The following SLC35A3 variants were observed in gnomAD, a reference collection of about 807,000 sequenced individuals.
SLC35A3 encodes the protein UDP-N-acetylglucosamine transporter.
SLC35A3 carries 26 observed loss-of-function variants against 39.0 expected under a neutral mutation model. The ratio of observed to expected loss-of-function variants is 0.67; its 90% CI spans 0.49 to 0.92. The LOEUF (loss-of-function observed/expected upper bound fraction) is 0.92. SLC35A3 is among the 40% of genes least tolerant of loss of function. The probability of loss-of-function intolerance (pLI) is 0.00; values close to 1 mark genes in which losing one functional copy is unlikely to be tolerated. For synonymous variants in SLC35A3, 135 were observed against 133.1 expected, an observed-to-expected ratio of 1.01 and a Z score of -0.10; for missense variants, 299 against 371.6, an observed-to-expected ratio of 0.80 and a Z score of 1.61.
At chr1:99,976,582 C>G (rs1414933464) in intron 1 of SLC35A3, among the ~76,000 whole-genome samples, 3 of 152,160 alleles carry the variant, frequency 2.0e-5, no homozygotes, top group Middle Eastern at 3.2e-3. Flanking sequence ...CAGTGGTGAA[C>G]TGGACATAAA....
intron 6 of SLC35A3, 25 bp from the exon 7 acceptor site, chr1:100,017,656 TA>T (rs1557846077): frequency 6.9e-7 from 1 of 1,453,750 alleles, no homozygotes; most frequent in South Asian, 1.4e-5. Flanking sequence ...ATGTGTGTTT[TA>T]AAAAATATTT....
At chr1:99,970,502 C>A in intron 1 of SLC35A3, 2 of 1,496,686 alleles carry the variant, frequency 1.3e-6, no homozygotes, top group Non-Finnish European at 1.8e-6. Context: ...CGGGTGGGCC[C>A]GGCTGGGGCC....
In SLC35A3 at chr1:100,007,064, G is replaced by A. The variant is rs1248793129; in HGVS notation, c.373G>A (p.Ala125Thr). ...GTATCAGTTAAAAATTCTTACAACA[G>A]CATTATTTTCTGTGTCTATGCTTAG... ...VTYQLKILTT[A>T]LFSVSMLSKK... The change falls in exon 4 of 8, where the codon GCA becomes ACA. Residue 125 changes from alanine to threonine, a missense_variant. Coordinates refer to ENST00000533028, the MANE Select transcript of SLC35A3 (RefSeq NM_012243.3). 1.2e-6 allele frequency: 2 copies of A among 1,608,572 alleles called. No homozygotes were observed. The highest frequency in any genetic ancestry group is 1.7e-6 in the Non-Finnish European group (2 of 1,178,372).
At chr1:99,970,813 GTAGT>G (rs1207827399) in intron 1 of SLC35A3, among the ~76,000 whole-genome samples, 1 of 152,176 alleles carries the variant, frequency 6.6e-6, no homozygotes, top group African/African-American at 2.4e-5. Context: ...TTCGACTTTA[GTAGT>G]TAAAGATGAA....
At chr1:100,011,707 T>TTTAC in intron 5 of SLC35A3, among the ~76,000 whole-genome samples, 174 bp downstream of exon 5, 1 of 134,388 alleles carries the variant, frequency 7.4e-6, no homozygotes, top group Non-Finnish European at 1.6e-5. Flanking sequence ...TATTTATTTA[T>TTTAC]TTATTTATTT....
intron 5 of SLC35A3, among the ~76,000 whole-genome samples, chr1:100,014,059 G>A (rs1312697450): frequency 6.6e-6 from 1 of 152,122 alleles, no homozygotes; most frequent in African/African-American, 2.4e-5. Context: ...TTTTTGAGGT[G>A]AGATTCAACA....
intron 1 of SLC35A3, among the ~76,000 whole-genome samples, chr1:99,976,046 T>G (rs1657087947): frequency 6.6e-6 from 1 of 151,414 alleles, no homozygotes. Flanking sequence ...GGTGACAGAG[T>G]CAGACTTGGT....
intron 1 of SLC35A3, among the ~76,000 whole-genome samples, chr1:99,973,643 G>C (rs1402929128): frequency 1.3e-5 from 2 of 152,186 alleles, no homozygotes; most frequent in Admixed American, 6.5e-5. Context: ...TTTAAAATAA[G>C]TTGCTGTACT....
intron 3 of SLC35A3, among the ~76,000 whole-genome samples, chr1:100,000,265 T>G (rs1190952427): frequency 6.6e-6 from 1 of 152,152 alleles, no homozygotes; most frequent in Non-Finnish European, 1.5e-5. Flanking sequence ...TTTTTGATAA[T>G]AGCTATTCTA....
At chr1:99,993,488 T>C (rs1486459166) in intron 1 of SLC35A3, 49 bp from the exon 2 acceptor site, 2 of 1,513,516 alleles carry the variant, frequency 1.3e-6, no homozygotes, top group Non-Finnish European at 1.8e-6. Context: ...TATACTAGTT[T>C]TCATATGTTG....
At chr1:99,970,741 T>G in intron 1 of SLC35A3, 1 of 776,972 alleles carries the variant, frequency 1.3e-6, no homozygotes, top group Non-Finnish European at 2.0e-6. Flanking sequence ...AAGACGATCT[T>G]TTATTATGTT....
At chr1:99,977,449 GGAAAATCACTT>G (rs1385366883) in intron 1 of SLC35A3, among the ~76,000 whole-genome samples, 1 of 151,766 alleles carries the variant, frequency 6.6e-6, no homozygotes. Context: ...GGCTGAAGCA[GGAAAATCACTT>G]GAACTCGGGA....
At chr1:100,001,869 T>C (rs1253928100) in intron 3 of SLC35A3, among the ~76,000 whole-genome samples, 1 of 152,236 alleles carries the variant, frequency 6.6e-6, no homozygotes, top group Non-Finnish European at 1.5e-5. Flanking sequence ...ATAAGGTTTT[T>C]ATTCTTCATT....
chr1:100,007,143 T>A lies in SLC35A3; in HGVS notation c.452T>A (p.Val151Asp), dbSNP rs1415934934. ...TCCCTAGTAATTTTGATGACAGGAGTTGCTTTTGTACAGGTAACTATTCAA... is the reference window on the plus strand; with the variant it reads ...TCCCTAGTAATTTTGATGACAGGAGATGCTTTTGTACAGGTAACTATTCAA... ...WLSLVILMTG[V>D]AFVQWPSDSQ... The change falls in exon 4 of 8, where the codon GTT (valine) becomes GAT (aspartate). Residue 151 changes from valine to aspartate, a missense_variant. Physicochemically the swap from Val to Asp is radical, Grantham distance 152 (BLOSUM62 -3). Coordinates refer to ENST00000533028, the MANE Select transcript of SLC35A3 (RefSeq NM_012243.3). 3.1e-6 allele frequency: 5 copies of A among 1,609,924 alleles called. No homozygotes were observed. The highest frequency in any genetic ancestry group is 3.4e-6 in the Non-Finnish European group (4 of 1,177,986).
chr1:99,972,969 A>G (rs565042945), intron 1 of SLC35A3, among the ~76,000 whole-genome samples: 2 of 152,234 alleles, frequency 1.3e-5, no homozygotes, highest in Non-Finnish European at 2.9e-5. Flanking sequence ...GGCTGCCTCA[A>G]TTATATTTGA....
Position 100,023,353 on chromosome 1 carries a change from TTAAAA to T in SLC35A3, c.*881_*885del, listed in dbSNP as rs1660680544. On this transcript the variant is annotated 3_prime_UTR_variant, in exon 8 of 8. Coordinates refer to ENST00000533028, the MANE Select transcript of SLC35A3 (RefSeq NM_012243.3). ...AAGGATTAAATACTCATTTAATAAT[TTAAAA>T]TAATTATTGTATAATATCTACATTT... The T allele has an allele frequency of 6.6e-6, 1 of 152,188 alleles. No individual in the cohort carries two copies. The highest frequency in any genetic ancestry group is 2.4e-5 in the African/African-American group (1 of 41,440). 9.4% of individuals were successfully genotyped at this position (152,188 alleles called of 1,614,324 possible).
At chr1:100,002,357 A>G (rs570713763) in intron 3 of SLC35A3, among the ~76,000 whole-genome samples, 1 of 151,934 alleles carries the variant, frequency 6.6e-6, no homozygotes, top group African/African-American at 2.4e-5. Context: ...GAATCTATCC[A>G]TTTCTTGTAG....
chr1:99,999,772 A>G (rs1441419725), intron 3 of SLC35A3, among the ~76,000 whole-genome samples: 2 of 150,542 alleles, frequency 1.3e-5, no homozygotes, highest in Non-Finnish European at 3.0e-5. Context: ...TCTGGTAGCT[A>G]TCATTCTGCT....
chr1:99,993,264 T>G (rs1409360611), intron 1 of SLC35A3, among the ~76,000 whole-genome samples: 1 of 152,216 alleles, frequency 6.6e-6, no homozygotes, highest in African/African-American at 2.4e-5. Context: ...TCTATCCAAT[T>G]TACCTTATTT....
Sources: allele counts gnomAD v4.1 joint callset (sites outside exome capture counted in the v4.1 genomes callset), GRCh38; gene constraint gnomAD v4.1.1; transcripts MANE v1.5; gene names NCBI Gene and HGNC (gene_info 2026-07-23, HGNC 2026-07-21).